Variants in RASSF3 observed in about 807,000 individuals in gnomAD.
RASSF3 encodes ras association domain-containing protein 3.
A neutral mutation model predicts 19.9 loss-of-function variants in RASSF3; 19 were observed. The observed-to-expected ratio is 0.96, with a 90% CI of 0.67 to 1.40. The LOEUF (loss-of-function observed/expected upper bound fraction) is 1.40. Among genes scored for constraint, RASSF3 ranks in the 40% most tolerant of loss-of-function variants. The probability of loss-of-function intolerance (pLI) is 0.00; values close to 1 mark genes in which losing one functional copy is unlikely to be tolerated. For synonymous variants in RASSF3, 110 were observed against 104.2 expected (o/e 1.06, Z -0.34); for missense variants, 306 against 289.8 (o/e 1.06, Z -0.41).
At chr12:64,579,280 A>T (rs1233339126) in intron 2 of RASSF3, among the ~76,000 whole-genome samples, 1 of 152,082 alleles carries the variant, frequency 6.6e-6, no homozygotes, top group Non-Finnish European at 1.5e-5. Flanking sequence ...AATCATATTT[A>T]AGTTATAATT....
chr12:64,561,715 C>CTCTT (rs1869349452), intron 2 of RASSF3, among the ~76,000 whole-genome samples: 1 of 127,604 alleles, frequency 7.8e-6, no homozygotes, highest in Non-Finnish European at 1.6e-5. Flanking sequence ...TAGCATTTAT[C>CTCTT]TTTTTTTTTT....
intron 2 of RASSF3, among the ~76,000 whole-genome samples, chr12:64,564,361 C>T (rs1039359508): frequency 6.6e-6 from 1 of 151,720 alleles, no homozygotes; most frequent in African/African-American, 2.4e-5. Context: ...GTAAAGGCCT[C>T]CTCTCCCTAA....
intron 2 of RASSF3, among the ~76,000 whole-genome samples, chr12:64,579,808 G>T (rs1026152361): frequency 1.7e-5 from 2 of 120,310 alleles, no homozygotes; most frequent in Non-Finnish European, 3.6e-5. Context: ...TGTTTTTTTG[G>T]GTTTTTTTTT....
chr12:64,639,087 T>C (rs1166111383), intron 1 of RASSF3, among the ~76,000 whole-genome samples: 2 of 152,246 alleles, frequency 1.3e-5, no homozygotes, highest in African/African-American at 2.4e-5. Context: ...GATTCTTCAG[T>C]TCTCTCTTTG....
At chr12:64,537,297 C>G (rs1868849266) in intron 1 of RASSF3, among the ~76,000 whole-genome samples, 2 of 152,198 alleles carry the variant, frequency 1.3e-5, no homozygotes, top group African/African-American at 4.8e-5. Flanking sequence ...CGTGGTACAT[C>G]ATTTAAAGCT....
At chr12:64,653,393 C>G (rs1227079840) in intron 1 of RASSF3, among the ~76,000 whole-genome samples, 1 of 151,994 alleles carries the variant, frequency 6.6e-6, no homozygotes, top group Admixed American at 6.6e-5. Flanking sequence ...CTAATATCCC[C>G]TTTTCTTAGG....
At chr12:64,650,236 A>G (rs988950253) in intron 1 of RASSF3, among the ~76,000 whole-genome samples, 3 of 152,024 alleles carry the variant, frequency 2.0e-5, no homozygotes, top group Non-Finnish European at 2.9e-5. Flanking sequence ...GGCCAATTTG[A>G]TAAACAAATT....
chr12:64,569,619 A>G (rs1407960729), intron 2 of RASSF3, among the ~76,000 whole-genome samples: 2 of 152,204 alleles, frequency 1.3e-5, no homozygotes, highest in Non-Finnish European at 2.9e-5. Context: ...TCTTAAAGTC[A>G]TTGTTCTTAT....
intron 2 of RASSF3, among the ~76,000 whole-genome samples, chr12:64,562,499 C>T (rs1287804145): frequency 2.6e-5 from 4 of 152,136 alleles, no homozygotes; most frequent in Admixed American, 6.5e-5. Flanking sequence ...CCATCCTTTC[C>T]GAAACTGCTC....
At chr12:64,687,240 G>A (rs1873393114) in intron 2 of RASSF3, among the ~76,000 whole-genome samples, 1 of 151,916 alleles carries the variant, frequency 6.6e-6, no homozygotes, top group Admixed American at 6.6e-5. Flanking sequence ...GACCTCCAGT[G>A]GTCTGCTCGC....
intron 2 of RASSF3, among the ~76,000 whole-genome samples, chr12:64,687,904 G>C (rs1387408208): frequency 6.6e-6 from 1 of 152,068 alleles, no homozygotes; most frequent in Admixed American, 6.6e-5. Context: ...TTGTAACCTC[G>C]CAAATGGACC....
intron 1 of RASSF3, among the ~76,000 whole-genome samples, chr12:64,634,820 G>A (rs548653153): frequency 2.0e-5 from 3 of 150,022 alleles, no homozygotes; most frequent in East Asian, 3.9e-4. Flanking sequence ...TCTGATAGGG[G>A]CTCTTTTCAA....
At chr12:64,583,948 G>A (rs1345859854) in intron 2 of RASSF3, among the ~76,000 whole-genome samples, 1 of 152,200 alleles carries the variant, frequency 6.6e-6, no homozygotes, top group Non-Finnish European at 1.5e-5. Context: ...AGGCACTAAT[G>A]CTGCTTAAAT....
At chr12:64,569,795 G>T (rs1869488504) in intron 2 of RASSF3, among the ~76,000 whole-genome samples, 1 of 152,096 alleles carries the variant, frequency 6.6e-6, no homozygotes, top group Admixed American at 6.6e-5. Flanking sequence ...AAGAAACCTT[G>T]TTTCTACTAA....
At chr12:64,569,036 C>G (rs1869477108) in intron 2 of RASSF3, among the ~76,000 whole-genome samples, 1 of 152,138 alleles carries the variant, frequency 6.6e-6, no homozygotes, top group Non-Finnish European at 1.5e-5. Flanking sequence ...TTGCCATCCT[C>G]TCACTGAAGT....
At chr12:64,653,732 G>A (rs1872046860) in intron 1 of RASSF3, among the ~76,000 whole-genome samples, 1 of 152,050 alleles carries the variant, frequency 6.6e-6, no homozygotes, top group Non-Finnish European at 1.5e-5. Flanking sequence ...ATTTTCTGTA[G>A]AGATGGAATC....
chr12:64,691,727 C>CCGGGGGATGGGAAGAGAAGAGAGTTGG (rs1868286042), intron 4 of RASSF3, 148 bp downstream of exon 4: 1 of 600,092 alleles, frequency 1.7e-6, no homozygotes, highest in African/African-American at 1.8e-5. Context: ...AGTTGGAGGG[C>CCGGGGGATGGGAAGAGAAGAGAGTTGG]AGGGAGAGGG....
rs879265867 is a variant in RASSF3, at chr12:64,560,959, AGAGTCTGTATTAGTAAAGAAT to A, written c.294+19291_294+19311del. ...CCTTGAGCCAAAGTCCGTCATTAAA[AGAGTCTGTATTAGTAAAGAAT>A]GAGTCTGTATTAGTAAAGAATGAGT... is the stretch of plus-strand genomic sequence containing the variant. On this transcript the variant is annotated intron_variant, in intron 2 of 5. Coordinates refer to the RASSF3 transcript ENST00000637125. Among the ~76,000 whole-genome samples the A allele has an allele frequency of 4.8e-3, 738 of 152,334 alleles. 6 individuals carry two copies. Among genetic ancestry groups the A allele is most frequent in the Middle Eastern group, 0.01 (3 of 294 alleles).
intron 1 of RASSF3, among the ~76,000 whole-genome samples, chr12:64,639,356 A>T (rs1871431338): frequency 6.8e-6 from 1 of 147,092 alleles, no homozygotes; most frequent in Admixed American, 6.6e-5. Context: ...GAAATTCCTA[A>T]ACTGTATTTT....
Sources: allele counts gnomAD v4.1 joint callset (sites outside exome capture counted in the v4.1 genomes callset), GRCh38; gene constraint gnomAD v4.1.1; transcripts MANE v1.5; gene names NCBI Gene and HGNC (gene_info 2026-07-23, HGNC 2026-07-21).